SPATA2: variants seen among roughly 807,000 people sequenced by gnomAD.
SPATA2 encodes spermatogenesis associated 2.
Under a neutral mutation model 35.4 loss-of-function variants are expected in SPATA2, and 8 were observed. That is an observed-to-expected ratio of 0.23 (90% CI 0.13 to 0.41). SPATA2 has a LOEUF of 0.41. SPATA2 is among the 10% of genes least tolerant of loss of function. The pLI, the probability that SPATA2 is intolerant of heterozygous loss-of-function variation, is 1.00. For synonymous variants in SPATA2, 293 were observed against 300.9 expected (o/e 0.97, Z 0.27); for missense variants, 650 against 698.7 (o/e 0.93, Z 0.79).
Position 49,903,473 on chromosome 20 carries a change from C to T in SPATA2, c.*2146G>A, listed in dbSNP as rs558926541. 7 of 152,238 alleles carry T rather than the reference C, an allele frequency of 4.6e-5. No homozygotes were observed. In the South Asian group the frequency reaches 1.4e-3, roughly 32 times the overall value. 9.4% of individuals were successfully genotyped at this position (152,238 alleles called of 1,614,324 possible). A position where few individuals can be genotyped will look rare whatever the true frequency, so the allele number is the denominator to read the frequency against. ...CTCTTGGTAGAAATCAAATGTAAAACATCTGCATTTTTAAATTAGCATGTA... is the reference window on the plus strand; with the variant it reads ...CTCTTGGTAGAAATCAAATGTAAAATATCTGCATTTTTAAATTAGCATGTA... On this transcript the variant is annotated 3_prime_UTR_variant, in exon 3 of 3. Transcript: ENST00000289431.
chr20:49,906,378 CA>C lies in SPATA2; in HGVS notation c.803del (p.Leu268ArgfsTer5). ...CCTTCCGAAGACTCAATGAGGCCTT[CA>C]GGGGTGGCTTCCGGCTCTCCCAGTA... ...DSYWESRKPP[L>X]KASLSLRKEP... On this transcript the variant is annotated frameshift_variant, in exon 3 of 3. Coordinates refer to ENST00000289431, the MANE Select transcript of SPATA2 (RefSeq NM_006038.4). LOFTEE classifies it high-confidence loss of function. This position sits in a 1 kb window ranked among gnomAD's most constrained non-coding sequence, Gnocchi z 8.2. 1.2e-6 allele frequency: 2 copies of C among 1,613,892 alleles called. No homozygotes were observed. Among genetic ancestry groups the C allele is most frequent in the Non-Finnish European group, 1.7e-6 (2 of 1,179,964 alleles).
chr20:49,906,305 GGAT>G lies in SPATA2; in HGVS notation c.874_876del (p.Ile292del), dbSNP rs770189797. The G allele has an allele frequency of 6.3e-7, 1 of 1,591,886 alleles. No homozygotes were observed. The highest frequency in any genetic ancestry group is 8.6e-7 in the Non-Finnish European group (1 of 1,167,752). On this transcript the variant is annotated inframe_deletion, in exon 3 of 3. Coordinates refer to ENST00000289431, the MANE Select transcript of SPATA2 (RefSeq NM_006038.4). This position sits in a 1 kb window ranked among gnomAD's most constrained non-coding sequence, Gnocchi z 8.2. ...ATGGTCAGCAGCGAAGGGGATGGGC[GGAT>G]GATCTCATCCTTGAGGTCGTCCCCC... is the stretch of plus-strand genomic sequence containing the variant.
rs1237046553 is a variant in SPATA2, at chr20:49,903,493, C to T, written c.*2126G>A. 2.0e-5 allele frequency: 3 copies of T among 152,102 alleles called. No homozygotes were observed. The highest frequency in any genetic ancestry group is 7.2e-5 in the African/African-American group (3 of 41,406). The allele number at this position is 152,102 out of a possible 1,614,324, so 9.4% of individuals were successfully genotyped here. A position where few individuals can be genotyped will look rare whatever the true frequency, so the allele number is the denominator to read the frequency against. On this transcript the variant is annotated 3_prime_UTR_variant, in exon 3 of 3. Transcript: ENST00000289431. ...TAAAACATCTGCATTTTTAAATTAG[C>T]ATGTATTTAACTATCTCAATCACAG...
chr20:49,906,291 C>G lies in SPATA2; in HGVS notation c.891G>C (p.Ser297=). Residue 297 remains serine (S), a synonymous_variant, in exon 3 of 3, where the codon TCG becomes TCC. Coordinates refer to ENST00000289431, the MANE Select transcript of SPATA2 (RefSeq NM_006038.4). The surrounding 1 kb of genome is among the most constrained non-coding windows in gnomAD (Gnocchi z 8.2). ...LKDEIIRPSP[S]LLTMASSPHG... ...GGGGGGAGCTGGCCATGGTCAGCAG[C>G]GAAGGGGATGGGCGGATGATCTCAT... The G allele has an allele frequency of 6.3e-7, 1 of 1,579,656 alleles. No homozygotes were observed. The highest frequency in any genetic ancestry group is 8.6e-7 in the Non-Finnish European group (1 of 1,161,622).
chr20:49,904,913 G>A lies in SPATA2; in HGVS notation c.*706C>T, dbSNP rs978003701. ...AGGGGCATGTGCAAACAACAGAAAGGGGGAAGTCAGTCCTGCTGTGGGAAG... is the reference window on the plus strand; with the variant it reads ...AGGGGCATGTGCAAACAACAGAAAGAGGGAAGTCAGTCCTGCTGTGGGAAG... On this transcript the variant is annotated 3_prime_UTR_variant, in exon 3 of 3. Coordinates refer to ENST00000289431, the MANE Select transcript of SPATA2 (RefSeq NM_006038.4). The A allele has an allele frequency of 2.0e-5, 3 of 152,738 alleles. No individual in the cohort carries two copies. The highest frequency in any genetic ancestry group is 7.2e-5 in the African/African-American group (3 of 41,452). The allele number at this position is 152,738 out of a possible 1,614,324, so 9.5% of individuals were successfully genotyped here.
At position 49,906,179 on chromosome 20, in the gene SPATA2, C is replaced by T. The variant is rs1253688642; in HGVS notation, c.1003G>A (p.Val335Met). The T allele has an allele frequency of 6.9e-6, 11 of 1,588,400 alleles. No homozygotes were observed. The highest frequency in any genetic ancestry group is 3.4e-5 in the South Asian group (3 of 87,442). The part of the protein sequence containing the change: ...RGTYFSTQDD[V>M]DLYTDSEPRA... ...GGTTCAGAGTCTGTGTACAGATCCACGTCATCCTGAGTGGAGAAGTAGGTA... is the reference window on the plus strand; with the variant it reads ...GGTTCAGAGTCTGTGTACAGATCCATGTCATCCTGAGTGGAGAAGTAGGTA... The change falls in exon 3 of 3, where the codon GTG (valine) becomes ATG (methionine). Residue 335 changes from valine (V) to methionine (M), a missense_variant. Val to Met is a conservative substitution (Grantham distance 21). Coordinates refer to ENST00000289431, the MANE Select transcript of SPATA2 (RefSeq NM_006038.4). The surrounding 1 kb of genome is among the most constrained non-coding windows in gnomAD (Gnocchi z 8.2).
Position 49,906,177 on chromosome 20 carries a change from C to T in SPATA2, c.1005G>A (p.Val335=). Residue 335 remains valine, a synonymous_variant, in exon 3 of 3, where the codon GTG becomes GTA. Coordinates refer to ENST00000289431, the MANE Select transcript of SPATA2 (RefSeq NM_006038.4). This position sits in a 1 kb window ranked among gnomAD's most constrained non-coding sequence, Gnocchi z 8.2. ...RGTYFSTQDD[V]DLYTDSEPRA... is the part of the protein sequence containing the mutation. ...TGGGTTCAGAGTCTGTGTACAGATC[C>T]ACGTCATCCTGAGTGGAGAAGTAGG... The T allele has an allele frequency of 6.3e-7, 1 of 1,589,512 alleles. No individual in the cohort carries two copies. Among genetic ancestry groups the T allele is most frequent in the Non-Finnish European group, 8.6e-7 (1 of 1,165,102 alleles).
intron 1 of SPATA2, among the ~76,000 whole-genome samples, chr20:49,909,871 G>C (rs1351732815): frequency 6.6e-6 from 1 of 152,230 alleles, no homozygotes; most frequent in Non-Finnish European, 1.5e-5. Context: ...CGAGGGGAGA[G>C]AGATACGGTC....
intron 1 of SPATA2, chr20:49,913,746 CAAGGA>C (rs1334963550): frequency 1.3e-5 from 2 of 152,118 alleles, no homozygotes; most frequent in Non-Finnish European, 1.5e-5. Flanking sequence ...GCTCAAGGGC[CAAGGA>C]AAGAGGCTGG....
rs2090123636 is a variant in SPATA2, at chr20:49,903,924, T to TAG, written c.*1694_*1695insCT. The TAG allele has an allele frequency of 1.5e-5, 1 of 64,970 alleles. No homozygotes were observed. Among genetic ancestry groups the TAG allele is most frequent in the Non-Finnish European group, 3.7e-5 (1 of 27,218 alleles). The allele number at this position is 64,970 out of a possible 1,614,324, so 4.0% of individuals were successfully genotyped here. ...ATAGATATATATATATATATATATA[T>TAG]ATATATATATATATATATATATATA... On this transcript the variant is annotated 3_prime_UTR_variant, in exon 3 of 3. Transcript: ENST00000289431.
At chr20:49,910,012 T>C (rs991178883) in intron 1 of SPATA2, among the ~76,000 whole-genome samples, 12 of 152,208 alleles carry the variant, frequency 7.9e-5, no homozygotes, top group Admixed American at 2.6e-4. Flanking sequence ...GATAGAATGT[T>C]CTGAGCTGGG....
At chr20:49,908,107 C>T in intron 2 of SPATA2, 48 bp downstream of exon 2, 1 of 1,531,592 alleles carries the variant, frequency 6.5e-7, no homozygotes. Context: ...CTGCCAGGGG[C>T]AGGAAGAGAG....
intron 1 of SPATA2, among the ~76,000 whole-genome samples, chr20:49,909,724 C>CT (rs373173928): frequency 1.3e-5 from 2 of 152,210 alleles, no homozygotes; most frequent in African/African-American, 4.8e-5. Flanking sequence ...CCAGTGAGGC[C>CT]GAGGCCACGA....
At chr20:49,914,066 A>G (rs2090196088) in intron 1 of SPATA2, among the ~76,000 whole-genome samples, 1 of 151,840 alleles carries the variant, frequency 6.6e-6, no homozygotes, top group African/African-American at 2.4e-5. Flanking sequence ...AAACAAAAAA[A>G]CAGCACTGTG....
At chr20:49,912,552 T>C (rs554750906) in intron 1 of SPATA2, among the ~76,000 whole-genome samples, 11 of 152,362 alleles carry the variant, frequency 7.2e-5, no homozygotes, top group Admixed American at 5.2e-4. Flanking sequence ...CCCCAGGGTC[T>C]GTTTTTTGGT....
Position 49,908,232 on chromosome 20 carries a change from C to T in SPATA2, c.259G>A (p.Gly87Ser), listed in dbSNP as rs201940082. 30 of 1,614,058 alleles carry T rather than the reference C, an allele frequency of 1.9e-5. No homozygotes were observed. In the Admixed American group the frequency reaches 2.8e-4, roughly 15 times the overall value. The change falls in exon 2 of 3, where the codon GGC (glycine) becomes AGC (serine). Residue 87 changes from glycine (G) to serine (S), a missense_variant. Physicochemically the swap from Gly to Ser is moderately conservative, Grantham distance 56 (BLOSUM62 0). Transcript: ENST00000289431. Reference sequence around the variant, plus strand: ...ACCGTCTCCAGCATGCTGAAGGCGCCGTGCAGAGCCCGCAGGCTAGAGGAG... The same window carrying T: ...ACCGTCTCCAGCATGCTGAAGGCGCTGTGCAGAGCCCGCAGGCTAGAGGAG... ...LSSSSLRALH[G>S]AFSMLETVGI...
rs1191394007 is a variant in SPATA2, at chr20:49,908,183, G to A, written c.308C>T (p.Pro103Leu). 1.9e-6 allele frequency: 3 copies of A among 1,610,728 alleles called. No homozygotes were observed. The highest frequency in any genetic ancestry group is 1.3e-5 in the African/African-American group (1 of 74,834). Residue 103 changes from proline to leucine, a missense_variant, in exon 2 of 3, where the codon CCG becomes CTG. By Grantham distance (98) the Pro-to-Leu change is moderately conservative. Coordinates refer to ENST00000289431, the MANE Select transcript of SPATA2 (RefSeq NM_006038.4). ...GATGCTTCTGAATTCCTTCTTCCAC[G>A]GGTAGAGGAAGAGGTTGATGCCCAC... ...ETVGINLFLY[P>L]WKKEFRSIKT... is the part of the protein sequence containing the mutation.
At chr20:49,911,829 A>C (rs1410027706) in intron 1 of SPATA2, among the ~76,000 whole-genome samples, 3 of 152,202 alleles carry the variant, frequency 2.0e-5, no homozygotes, top group Non-Finnish European at 2.9e-5. Flanking sequence ...GAAAGATGGC[A>C]TGAGGTACGA....
chr20:49,911,327 G>A (rs1395623403), intron 1 of SPATA2, among the ~76,000 whole-genome samples: 2 of 152,088 alleles, frequency 1.3e-5, no homozygotes, highest in Non-Finnish European at 2.9e-5. Flanking sequence ...TGTTCACCAC[G>A]ATGCCTAACA....
Sources: gnomAD v4.1 joint callset for allele counts (sites outside exome capture counted in the v4.1 genomes callset) on GRCh38, gnomAD v4.1.1 for gene constraint, Gnocchi (gnomAD v3.1) non-coding constraint, MANE v1.5 for transcripts, NCBI Gene and HGNC (gene_info 2026-07-23, HGNC 2026-07-21) for gene names.